CFAP96: variants seen among roughly 807,000 people sequenced by gnomAD.
CFAP96 encodes cilia-and flagella-associated protein 96.
chr4:185,422,600 A>T, the CFAP96 span: 1 of 1,337,718 alleles, frequency 7.5e-7, no homozygotes, highest in Non-Finnish European at 1.0e-6. Context: ...CTCCCTTGTA[A>T]AACAAAACAA....
chr4:185,422,597 G>C, the CFAP96 span: 1 of 1,448,330 alleles, frequency 6.9e-7, no homozygotes, highest in Non-Finnish European at 9.4e-7. Context: ...AAACTCCCTT[G>C]TAAAACAAAA....
chr4:185,418,860 A>G, the CFAP96 span: 1 of 993,440 alleles, frequency 1.0e-6, no homozygotes, highest in Non-Finnish European at 1.4e-6. Context: ...AGCATAGTAA[A>G]ACTCTCAATA....
the CFAP96 span, chr4:185,418,467 TTCTC>T: frequency 1.2e-6 from 2 of 1,610,788 alleles, no homozygotes; most frequent in Non-Finnish European, 1.7e-6. Flanking sequence ...TTGTCCTTCT[TTCTC>T]ATGAATTTTC....
chr4:185,443,850 GTTA>G, the CFAP96 span, among the ~76,000 whole-genome samples: 1 of 136,182 alleles, frequency 7.3e-6, no homozygotes, highest in Non-Finnish European at 1.6e-5. Context: ...AAGTTTTCTT[GTTA>G]TTGTAAGCTT....
At chr4:185,443,336 A>ATTTTT in the CFAP96 span, among the ~76,000 whole-genome samples, 1 of 28,672 alleles carries the variant, frequency 3.5e-5, no homozygotes, top group African/African-American at 9.2e-5. Context: ...ATATATATAT[A>ATTTTT]TATATATTTT....
chr4:185,425,480 A>G, the CFAP96 span, among the ~76,000 whole-genome samples: 2 of 152,184 alleles, frequency 1.3e-5, no homozygotes, highest in Non-Finnish European at 2.9e-5. Context: ...TTGCTGAGCA[A>G]TGAGACAGGA....
At chr4:185,424,734 TAGAC>T in the CFAP96 span, among the ~76,000 whole-genome samples, 2 of 152,346 alleles carry the variant, frequency 1.3e-5, no homozygotes, top group African/African-American at 2.4e-5. Context: ...AGATAAAAGT[TAGAC>T]AGGAAAGAAC....
chr4:185,434,860 C>T, the CFAP96 span, among the ~76,000 whole-genome samples: 1 of 152,218 alleles, frequency 6.6e-6, no homozygotes, highest in African/African-American at 2.4e-5. Flanking sequence ...CCTGCCTCAG[C>T]CTCCCAAGTA....
chr4:185,415,917 TATA>T, the CFAP96 span: 1 of 1,432,038 alleles, frequency 7.0e-7, no homozygotes, highest in Non-Finnish European at 9.4e-7. Flanking sequence ...AAACACTAAA[TATA>T]AAGAGTAAGT....
the CFAP96 span, among the ~76,000 whole-genome samples, chr4:185,448,852 A>G: frequency 4.7e-5 from 7 of 147,964 alleles, no homozygotes; most frequent in Admixed American, 1.3e-4. Flanking sequence ...AGAAAGTTCT[A>G]TGATGCTGTT....
At chr4:185,428,551 C>G in the CFAP96 span, among the ~76,000 whole-genome samples, 1 of 33,390 alleles carries the variant, frequency 3.0e-5, no homozygotes, top group Non-Finnish European at 7.1e-5. Context: ...CAGCCTGGGA[C>G]TGTCTAAAAA....
the CFAP96 span, among the ~76,000 whole-genome samples, chr4:185,449,379 G>C: frequency 6.6e-6 from 1 of 152,020 alleles, no homozygotes; most frequent in Non-Finnish European, 1.5e-5. Context: ...AAATTAGCCA[G>C]GCATGATGGC....
At chr4:185,432,789 G>A in the CFAP96 span, among the ~76,000 whole-genome samples, 3 of 151,946 alleles carry the variant, frequency 2.0e-5, no homozygotes, top group South Asian at 4.1e-4. Flanking sequence ...CTTGAGCCCA[G>A]GAGTTTGAGG....
At chr4:185,416,419 G>C in the CFAP96 span, among the ~76,000 whole-genome samples, 8 of 152,124 alleles carry the variant, frequency 5.3e-5, no homozygotes, top group African/African-American at 1.9e-4. Context: ...ATCAAATACT[G>C]AACTCTACTT....
the CFAP96 span, among the ~76,000 whole-genome samples, chr4:185,428,806 A>T: frequency 2.0e-5 from 3 of 152,090 alleles, no homozygotes; most frequent in Non-Finnish European, 4.4e-5. Flanking sequence ...TAATTTTGCC[A>T]GTGACACACT....
At chr4:185,413,098 A>G in the CFAP96 span, among the ~76,000 whole-genome samples, 2 of 152,214 alleles carry the variant, frequency 1.3e-5, no homozygotes, top group African/African-American at 2.4e-5. Flanking sequence ...TGAGGTCAGG[A>G]GTTCACGACC....
chr4:185,436,243 T>C, the CFAP96 span: 2 of 1,543,220 alleles, frequency 1.3e-6, no homozygotes, highest in Non-Finnish European at 1.7e-6. Flanking sequence ...AAATTAAATT[T>C]CTGAATTCTG....
chr4:185,425,260 G>A, the CFAP96 span, among the ~76,000 whole-genome samples: 1 of 152,132 alleles, frequency 6.6e-6, no homozygotes, highest in African/African-American at 2.4e-5. Flanking sequence ...AGGAAGAGCA[G>A]GTGTGGGCTG....
the CFAP96 span, chr4:185,449,523 A>T: frequency 2.6e-5 from 10 of 391,650 alleles, no homozygotes; most frequent in Non-Finnish European, 3.0e-5. Flanking sequence ...ACCCGGTCTT[A>T]AAAAAAAAAA....
Sources: gnomAD v4.1 joint callset for allele counts (sites outside exome capture counted in the v4.1 genomes callset) on GRCh38, gnomAD v4.1.1 for gene constraint, MANE v1.5 for transcripts, NCBI Gene and HGNC (gene_info 2026-07-23, HGNC 2026-07-21) for gene names.